The following SHQ1 variants were observed in gnomAD, a reference collection of about 807,000 sequenced individuals.
SHQ1 encodes the protein SHQ1, H/ACA ribonucleoprotein assembly factor.
Under a neutral mutation model 53.8 loss-of-function variants are expected in SHQ1, and 49 were observed. The ratio of observed to expected loss-of-function variants is 0.91; its 90% CI spans 0.72 to 1.16. SHQ1 has a LOEUF of 1.16. Among genes scored for constraint, SHQ1 ranks in the 50% most tolerant of loss-of-function variants. SHQ1 has a pLI of 0.00. For missense variants in SHQ1, 738 were observed against 683.1 expected, an observed-to-expected ratio of 1.08 and a Z score of -0.90; for synonymous variants, 243 against 251.0, an observed-to-expected ratio of 0.97 and a Z score of 0.30.
intron 10 of SHQ1, among the ~76,000 whole-genome samples, chr3:72,767,358 T>C (rs1559663254): frequency 6.6e-6 from 1 of 152,190 alleles, no homozygotes; most frequent in African/African-American, 2.4e-5. Context: ...AGGGACACCA[T>C]CTGGGTAACT....
intron 4 of SHQ1, among the ~76,000 whole-genome samples, chr3:72,836,615 C>T (rs1306319105): frequency 6.6e-6 from 1 of 152,094 alleles, no homozygotes; most frequent in Admixed American, 6.5e-5. Flanking sequence ...AGTGCAAGCC[C>T]CACCCAGGCT....
chr3:72,772,016 C>T (rs1252166638), intron 10 of SHQ1, among the ~76,000 whole-genome samples: 1 of 152,042 alleles, frequency 6.6e-6, no homozygotes. Flanking sequence ...GGGAATTAAT[C>T]CACAAAATAA....
chr3:72,787,746 G>A (rs568530214), intron 10 of SHQ1, among the ~76,000 whole-genome samples: 8 of 144,578 alleles, frequency 5.5e-5, no homozygotes, highest in Non-Finnish European at 1.0e-4. Flanking sequence ...CCCTTTGCAC[G>A]GTCTCCCTCT....
intron 10 of SHQ1, among the ~76,000 whole-genome samples, chr3:72,768,329 T>A (rs1479795055): frequency 2.0e-5 from 3 of 152,152 alleles, no homozygotes; most frequent in Non-Finnish European, 4.4e-5. Flanking sequence ...GTGCTCCCGA[T>A]GGCAAGGCAC....
intron 3 of SHQ1, 89 bp from the exon 4 acceptor site, chr3:72,841,288 A>G (rs1708172809): frequency 6.0e-6 from 6 of 1,006,424 alleles, no homozygotes; most frequent in Non-Finnish European, 8.6e-6. Flanking sequence ...GCCCACAAAG[A>G]TGTACCAAAA....
intron 5 of SHQ1, among the ~76,000 whole-genome samples, chr3:72,825,266 A>G (rs1196589942): frequency 1.3e-5 from 2 of 151,922 alleles, no homozygotes; most frequent in Non-Finnish European, 2.9e-5. Context: ...AATTTCAATA[A>G]AGGAAAAAAT....
Position 72,790,134 on chromosome 3 carries a change from T to C in SHQ1, c.1181+2782A>G, listed in dbSNP as rs77968740. Among the ~76,000 whole-genome samples, 672 of 152,264 alleles carry C rather than the reference T, an allele frequency of 4.4e-3. 9 individuals carry two copies. In the East Asian group the frequency reaches 0.056, roughly 13 times the overall value. On this transcript the variant is annotated intron_variant, in intron 10 of 10. Transcript: ENST00000325599. ...GCGTTCTTTTCAGAAAAACAATTGG[T>C]AAAATCTGTAACTCAGAATGAGAGG...
intron 1 of SHQ1, among the ~76,000 whole-genome samples, chr3:72,845,310 C>A (rs1708296468): frequency 6.6e-6 from 1 of 151,864 alleles, no homozygotes; most frequent in South Asian, 2.1e-4. Flanking sequence ...ATGGAGAAAC[C>A]CTATATCTAC....
intron 10 of SHQ1, among the ~76,000 whole-genome samples, chr3:72,756,835 A>G (rs1310700026): frequency 6.6e-6 from 1 of 152,252 alleles, no homozygotes; most frequent in Non-Finnish European, 1.5e-5. Context: ...TAAAGACTGC[A>G]GACAAGTTAT....
intron 5 of SHQ1, among the ~76,000 whole-genome samples, chr3:72,828,716 C>T (rs764915293): frequency 1.1e-4 from 17 of 152,078 alleles, no homozygotes; most frequent in South Asian, 8.3e-4. Flanking sequence ...AGAGAAAAGC[C>T]GTGTGGTATA....
intron 10 of SHQ1, among the ~76,000 whole-genome samples, chr3:72,769,108 CT>C (rs1705793112): frequency 6.6e-6 from 1 of 152,158 alleles, no homozygotes; most frequent in African/African-American, 2.4e-5. Context: ...ACTGCTGCCC[CT>C]AGAAGCCAAA....
At chr3:72,742,846 C>T in the SHQ1 span, among the ~76,000 whole-genome samples, 43 of 152,048 alleles carry the variant, frequency 2.8e-4, no homozygotes, top group Non-Finnish European at 2.8e-4. Context: ...AGGCTGGTCT[C>T]GAACTGCTGA....
At chr3:72,731,414 G>A in the SHQ1 span, among the ~76,000 whole-genome samples, 33 of 151,554 alleles carry the variant, frequency 2.2e-4, no homozygotes, top group East Asian at 3.7e-3. Flanking sequence ...GGCTGGGCGC[G>A]GTGGCACATG....
chr3:72,734,803 G>A, the SHQ1 span, among the ~76,000 whole-genome samples: 20 of 151,784 alleles, frequency 1.3e-4, 1 homozygote, highest in Middle Eastern at 3.5e-3. Flanking sequence ...ACCAGGGATC[G>A]TCGCACTATT....
intron 6 of SHQ1, among the ~76,000 whole-genome samples, chr3:72,821,225 C>T (rs968107652): frequency 2.0e-5 from 3 of 152,206 alleles, no homozygotes; most frequent in Non-Finnish European, 2.9e-5. Flanking sequence ...CTGAAGGGCT[C>T]ACTGGTGCCA....
the SHQ1 span, among the ~76,000 whole-genome samples, chr3:72,743,613 G>C: frequency 6.6e-6 from 1 of 152,224 alleles, no homozygotes; most frequent in African/African-American, 2.4e-5. Context: ...CACGGCCGAT[G>C]CTAGGTGGGG....
chr3:72,821,302 C>CGTGCCAA (rs1707471299), intron 6 of SHQ1, among the ~76,000 whole-genome samples: 1 of 152,170 alleles, frequency 6.6e-6, no homozygotes, highest in South Asian at 2.1e-4. Context: ...CAAGCAATAA[C>CGTGCCAA]GTGCCAAGAC....
At chr3:72,841,582 T>C (rs1353184034) in intron 3 of SHQ1, among the ~76,000 whole-genome samples, 1 of 152,180 alleles carries the variant, frequency 6.6e-6, no homozygotes, top group Non-Finnish European at 1.5e-5. Context: ...AATGGAAGAA[T>C]ACAGGATGGT....
At chr3:72,776,853 T>C (rs1363825424) in intron 10 of SHQ1, among the ~76,000 whole-genome samples, 2 of 152,158 alleles carry the variant, frequency 1.3e-5, no homozygotes, top group African/African-American at 2.4e-5. Flanking sequence ...CACTCTCGCA[T>C]GACAGACAAG....
Sources: gnomAD v4.1 joint callset for allele counts (sites outside exome capture counted in the v4.1 genomes callset) on GRCh38, gnomAD v4.1.1 for gene constraint, MANE v1.5 for transcripts, NCBI Gene and HGNC (gene_info 2026-07-23, HGNC 2026-07-21) for gene names.